PTPRG: variants seen among roughly 807,000 people sequenced by gnomAD.
The protein encoded by PTPRG is receptor-type tyrosine-protein phosphatase gamma.
Under a neutral mutation model 165.3 loss-of-function variants are expected in PTPRG, and 102 were observed. The observed-to-expected ratio is 0.62, with a 90% CI of 0.53 to 0.73. The LOEUF is 0.73. Ranked by LOEUF, PTPRG falls within the 30% of genes least tolerant of loss-of-function variation. The pLI is 0.00. For synonymous variants in PTPRG, 675 were observed against 669.5 expected (o/e 1.01, Z -0.13); for missense variants, 1,866 against 1,861.4 (o/e 1.00, Z -0.05).
chr3:61,714,192 A>T (rs887734025), intron 1 of PTPRG, among the ~76,000 whole-genome samples: 2 of 152,278 alleles, frequency 1.3e-5, no homozygotes, highest in Admixed American at 1.3e-4. Context: ...GTCTTATGCA[A>T]GTATATTAAC....
intron 4 of PTPRG, among the ~76,000 whole-genome samples, chr3:62,013,822 T>A (rs1270688422): frequency 6.6e-6 from 1 of 152,066 alleles, no homozygotes; most frequent in Non-Finnish European, 1.5e-5. Context: ...ACTTTTTTCC[T>A]CTTATTCTTT....
intron 1 of PTPRG, among the ~76,000 whole-genome samples, chr3:61,571,896 A>G (rs766432358): frequency 3.9e-5 from 6 of 152,146 alleles, no homozygotes; most frequent in Non-Finnish European, 8.8e-5. Flanking sequence ...AGCCAGCCAA[A>G]CCAGCTGTGG....
At chr3:61,796,254 T>C (rs944356050) in intron 2 of PTPRG, among the ~76,000 whole-genome samples, 36 of 152,330 alleles carry the variant, frequency 2.4e-4, no homozygotes, top group Admixed American at 5.2e-4. Context: ...CACACGCAGA[T>C]AACTCGTTAG....
In PTPRG at chr3:61,829,941, A is replaced by G. The variant is rs117105710; in HGVS notation, c.190+80959A>G. ...TTAGTGTGGAACTAAAGACTACTTC[A>G]TTTTAGTTTTTATAATGCTGTGATG... On this transcript the variant is annotated intron_variant, in intron 2 of 29. Transcript: ENST00000474889. Among the ~76,000 whole-genome samples the G allele has an allele frequency of 3.4e-4, 52 of 152,288 alleles. 1 individual carries two copies. In the East Asian group the frequency reaches 7.7e-3, roughly 23 times the overall value.
chr3:62,075,754 T>G (rs542619729), intron 4 of PTPRG, among the ~76,000 whole-genome samples: 1 of 152,304 alleles, frequency 6.6e-6, no homozygotes, highest in East Asian at 1.9e-4. Context: ...GGGACTTTAT[T>G]GTTCACCGTC....
At chr3:62,265,142 T>C (rs1332220663) in intron 17 of PTPRG, among the ~76,000 whole-genome samples, 2 of 152,198 alleles carry the variant, frequency 1.3e-5, no homozygotes, top group African/African-American at 4.8e-5. Context: ...GGCTTACTTT[T>C]GTCTTTTGTT....
chr3:61,939,658 C>T (rs1479089967), intron 2 of PTPRG, among the ~76,000 whole-genome samples: 1 of 152,114 alleles, frequency 6.6e-6, no homozygotes, highest in Non-Finnish European at 1.5e-5. Flanking sequence ...TAACTTTATT[C>T]TCCTGCATTG....
At chr3:62,189,915 C>T (rs1356086055) in intron 8 of PTPRG, among the ~76,000 whole-genome samples, 1 of 152,152 alleles carries the variant, frequency 6.6e-6, no homozygotes, top group African/African-American at 2.4e-5. Flanking sequence ...CTTGCTCCAG[C>T]CCCTCAGACC....
chr3:61,965,549 G>T (rs2040252665), intron 2 of PTPRG, among the ~76,000 whole-genome samples: 1 of 151,120 alleles, frequency 6.6e-6, no homozygotes, highest in East Asian at 1.9e-4. Context: ...TTAATGAGCA[G>T]AAAATGTGTG....
At chr3:61,726,291 G>C (rs987110513) in intron 1 of PTPRG, among the ~76,000 whole-genome samples, 10 of 152,144 alleles carry the variant, frequency 6.6e-5, no homozygotes, top group African/African-American at 2.4e-4. Flanking sequence ...TCAAGCGAAA[G>C]GGTCTTTTGA....
chr3:61,688,936 C>G (rs780297414), intron 1 of PTPRG, among the ~76,000 whole-genome samples: 2 of 152,190 alleles, frequency 1.3e-5, no homozygotes, highest in African/African-American at 2.4e-5. Context: ...AATATCCTAA[C>G]ATGTCTGGCG....
intron 6 of PTPRG, among the ~76,000 whole-genome samples, chr3:62,135,891 T>C (rs910307504): frequency 6.6e-6 from 1 of 152,140 alleles, no homozygotes; most frequent in African/African-American, 2.4e-5. Context: ...AGGAGTCCTG[T>C]GTTGGCAGGA....
chr3:62,046,644 C>G (rs370424615), intron 4 of PTPRG, among the ~76,000 whole-genome samples: 4 of 152,132 alleles, frequency 2.6e-5, no homozygotes, highest in South Asian at 2.1e-4. Context: ...CTTACTGTCT[C>G]TCATCATTAG....
intron 1 of PTPRG, among the ~76,000 whole-genome samples, chr3:61,745,613 T>C (rs2033166960): frequency 6.6e-6 from 1 of 152,226 alleles, no homozygotes; most frequent in South Asian, 2.1e-4. Flanking sequence ...TCCCTTCTGT[T>C]ACCTCTTGTC....
chr3:61,994,359 G>C (rs2040969847), intron 3 of PTPRG, among the ~76,000 whole-genome samples: 1 of 152,056 alleles, frequency 6.6e-6, no homozygotes, highest in Non-Finnish European at 1.5e-5. Context: ...ATCCCACACT[G>C]AGGACAAATA....
At chr3:61,735,909 A>T (rs2032701878) in intron 1 of PTPRG, among the ~76,000 whole-genome samples, 2 of 145,024 alleles carry the variant, frequency 1.4e-5, no homozygotes, top group African/African-American at 2.5e-5. Context: ...TAAAACAATG[A>T]TTTTTTTTTT....
Position 61,607,036 on chromosome 3 carries a change from G to A in PTPRG, c.85+44664G>A, listed in dbSNP as rs143769108. On this transcript the variant is annotated intron_variant, in intron 1 of 29. Coordinates refer to ENST00000474889, the MANE Select transcript of PTPRG (RefSeq NM_002841.4). Reference sequence around the variant, plus strand: ...ATGAAAGCCCCCACTTCAGCCTCAGGGAATAGCATTGTCTTAGGAAAGAGG... The same window carrying A: ...ATGAAAGCCCCCACTTCAGCCTCAGAGAATAGCATTGTCTTAGGAAAGAGG... Among the ~76,000 whole-genome samples the A allele has an allele frequency of 4.0e-3, 611 of 152,322 alleles. 1 individual carries two copies. Among genetic ancestry groups the A allele is most frequent in the Middle Eastern group, 0.014 (4 of 294 alleles).
chr3:61,931,441 A>G (rs567513595), intron 2 of PTPRG, among the ~76,000 whole-genome samples: 1 of 152,304 alleles, frequency 6.6e-6, no homozygotes, highest in African/African-American at 2.4e-5. Flanking sequence ...GTATGTCCAC[A>G]GTCTTTTTTG....
chr3:61,965,394 A>T (rs1405078844), intron 2 of PTPRG, among the ~76,000 whole-genome samples: 1 of 151,516 alleles, frequency 6.6e-6, no homozygotes, highest in Admixed American at 6.6e-5. Context: ...AGCCTGAGGC[A>T]GGAGAATGGC....
Sources: allele counts gnomAD v4.1 joint callset (sites outside exome capture counted in the v4.1 genomes callset), GRCh38; gene constraint gnomAD v4.1.1; transcripts MANE v1.5; gene names NCBI Gene and HGNC (gene_info 2026-07-23, HGNC 2026-07-21).